Variants in MDC1 observed in about 807,000 individuals in gnomAD.
MDC1 encodes the protein mediator of DNA damage checkpoint protein 1.
Under a neutral mutation model 142.5 loss-of-function variants are expected in MDC1, and 81 were observed. The observed-to-expected ratio is 0.57, with a 90% CI of 0.47 to 0.68. The LOEUF is 0.68. Among genes scored for constraint, MDC1 ranks in the 30% least tolerant of loss-of-function variants. The pLI is 0.00. For synonymous variants in MDC1, 797 were observed against 968.4 expected (o/e 0.82, Z 3.29); for missense variants, 2,119 against 2,547.9 (o/e 0.83, Z 3.62).
chr6:30,715,356 T>C lies in MDC1; in HGVS notation c.-3-178A>G, dbSNP rs1287795494. ...ACTTAAAACATTTTTTTCTTTTTTG[T>C]GATGGAGTCTCGTTCTGCTCCCCAG... On this transcript the variant is annotated intron_variant, in intron 1 of 14. Transcript: ENST00000376406. The surrounding 1 kb of genome is among the most constrained non-coding windows in gnomAD (Gnocchi z 4.1). 6.6e-6 allele frequency among the ~76,000 whole-genome samples: 1 copy of C among 152,156 alleles called. No individual in the cohort carries two copies. Among genetic ancestry groups the C allele is most frequent in the Admixed American group, 6.6e-5 (1 of 15,260 alleles).
In MDC1 at chr6:30,713,638, T is replaced by C. The variant is rs1307587452; in HGVS notation, c.587+10A>G. 1 of 1,613,310 alleles carries C rather than the reference T, an allele frequency of 6.2e-7. No individual in the cohort carries two copies. The highest frequency in any genetic ancestry group is 8.5e-7 in the Non-Finnish European group (1 of 1,179,354). ...TTGAAGACTCAGGTGTCTGACTCTT[T>C]GGCACTCACCTCTCTGGAACTATCA... On this transcript the variant is annotated intron_variant, in intron 4 of 14. Transcript: ENST00000376406. This position sits in a 1 kb window ranked among gnomAD's most constrained non-coding sequence, Gnocchi z 4.9.
Position 30,705,576 on chromosome 6 carries a change from C to T in MDC1, c.3607G>A (p.Val1203Met). The T allele has an allele frequency of 6.2e-7, 1 of 1,606,556 alleles. No individual in the cohort carries two copies. The highest frequency in any genetic ancestry group is 8.5e-7 in the Non-Finnish European group (1 of 1,176,814). Residue 1203 changes from valine (V) to methionine (M), a missense_variant, in exon 10 of 15, where the codon GTG becomes ATG. Coordinates refer to ENST00000376406, the MANE Select transcript of MDC1 (RefSeq NM_014641.3). ...RSSVKTPETV[V>M]PTALELQPST... The stretch of plus-strand genomic sequence containing the variant: ...GGCTGGAGCTCAAGGGCTGTGGGCA[C>T]AACTGTTTCAGGGGTCTTGACAGAG...
rs1773241572 is a variant in MDC1 at position 30,703,960 on chromosome 6, A to C, written c.5223T>G (p.Pro1741=). ...GSLAAPIDHK[P]CSAPLEPKSQ... ...ATTTAGGTTCCAAGGGTGCAGAGCA[A>C]GGCTTATGGTCAATGGGAGCTGCGA... The change falls in exon 10 of 15, where the codon CCT becomes CCG. Residue 1741 remains proline (P), a synonymous_variant. Coordinates refer to ENST00000376406, the MANE Select transcript of MDC1 (RefSeq NM_014641.3). The surrounding 1 kb of genome is among the most constrained non-coding windows in gnomAD (Gnocchi z 4.4). The C allele has an allele frequency of 8.7e-6, 14 of 1,614,120 alleles. No homozygotes were observed. Among genetic ancestry groups the C allele is most frequent in the Non-Finnish European group, 1.2e-5 (14 of 1,180,008 alleles).
Position 30,704,910 on chromosome 6 carries a change from T to G in MDC1, c.4273A>C (p.Thr1425Pro). Residue 1425 changes from threonine (T) to proline (P), a missense_variant, in exon 10 of 15, where the codon ACT becomes CCT. By Grantham distance (38) the Thr-to-Pro change is conservative. Coordinates refer to ENST00000376406, the MANE Select transcript of MDC1 (RefSeq NM_014641.3). The stretch of plus-strand genomic sequence containing the variant: ...GTGGCCTGAGATGTGGGCTCAGGAG[T>G]GACAGGTTGGTCTGTGGAAGTGGAA... ...EPSTSTDQPV[T>P]PEPTSQATRG... 6.2e-7 allele frequency: 1 copy of G among 1,603,488 alleles called. No individual in the cohort carries two copies. Among genetic ancestry groups the G allele is most frequent in the Non-Finnish European group, 8.5e-7 (1 of 1,175,576 alleles).
At chr6:30,710,146 T>C (rs1349218502) in intron 7 of MDC1, among the ~76,000 whole-genome samples, 1 of 152,134 alleles carries the variant, frequency 6.6e-6, no homozygotes, top group Non-Finnish European at 1.5e-5. Flanking sequence ...TGGAGTGCAG[T>C]GGTGTGACCT....
Position 30,706,073 on chromosome 6 carries a change from C to G in MDC1, c.3110G>C (p.Cys1037Ser). 6.3e-7 allele frequency: 1 copy of G among 1,592,480 alleles called. No homozygotes were observed. Among genetic ancestry groups the G allele is most frequent in the Non-Finnish European group, 8.5e-7 (1 of 1,176,666 alleles). Reference sequence around the variant, plus strand: ...GGCTTCAGGTACTGTAGGAGGCAGACAAGCATCTGGAGATTCCTGATCGCC... The same window carrying G: ...GGCTTCAGGTACTGTAGGAGGCAGAGAAGCATCTGGAGATTCCTGATCGCC... ...SRGDQESPDA[C>S]LPPTVPEAPA... is the part of the protein sequence containing the mutation. The change falls in exon 10 of 15, where the codon TGT (cysteine) becomes TCT (serine). Residue 1037 changes from cysteine to serine, a missense_variant. Coordinates refer to ENST00000376406, the MANE Select transcript of MDC1 (RefSeq NM_014641.3).
In MDC1 at chr6:30,703,726, A is replaced by G. The variant is rs1192062213; in HGVS notation, c.5457T>C (p.Asp1819=). The G allele has an allele frequency of 1.3e-6, 2 of 1,542,762 alleles. No individual in the cohort carries two copies. Among genetic ancestry groups the G allele is most frequent in the African/African-American group, 1.4e-5 (1 of 72,402 alleles). Residue 1819 remains aspartate, a synonymous_variant, in exon 10 of 15, where the codon GAT becomes GAC. Transcript: ENST00000376406. The surrounding 1 kb of genome is among the most constrained non-coding windows in gnomAD (Gnocchi z 4.4). ...QSRKRSLATM[D]SPPHQKQPQR... Reference sequence around the variant, plus strand: ...GGGGCTGTTTTTGATGTGGTGGTGAATCCATGGTAGCTAAAGACCTCTTGC... The same window carrying G: ...GGGGCTGTTTTTGATGTGGTGGTGAGTCCATGGTAGCTAAAGACCTCTTGC...
rs1011587367 is a variant in MDC1, at chr6:30,712,631, T to C, written c.1311A>G (p.Gln437=). The change falls in exon 5 of 15, where the codon CAA becomes CAG. Residue 437 remains glutamine (Q), a synonymous_variant. Coordinates refer to ENST00000376406, the MANE Select transcript of MDC1 (RefSeq NM_014641.3). The surrounding 1 kb of genome is among the most constrained non-coding windows in gnomAD (Gnocchi z 4.7). ...GGCTTCGCTGCAGAAGGACCACACG[T>C]TGGGGCATGTCCTCTTCTGCATCTC... ...WNRDAEEDMP[Q]RVVLLQRSQT... 6 of 1,612,756 alleles carry C rather than the reference T, an allele frequency of 3.7e-6. No homozygotes were observed. Among genetic ancestry groups the C allele is most frequent in the African/African-American group, 2.7e-5 (2 of 74,908 alleles).
Position 30,713,450 on chromosome 6 carries a change from C to T in MDC1, c.588-96G>A. 6.6e-6 allele frequency: 9 copies of T among 1,372,614 alleles called. No homozygotes were observed. The highest frequency in any genetic ancestry group is 8.8e-6 in the Non-Finnish European group (9 of 1,023,732). The allele number at this position is 1,372,614 out of a possible 1,614,324, so 85.0% of individuals were successfully genotyped here. A position where few individuals can be genotyped will look rare whatever the true frequency, so the allele number is the denominator to read the frequency against. ...CTCCTTGAGGGGAGACACAAGGTAGCATATTTCTTCTTCTGTTTCCAATTT... is the reference window on the plus strand; with the variant it reads ...CTCCTTGAGGGGAGACACAAGGTAGTATATTTCTTCTTCTGTTTCCAATTT... On this transcript the variant is annotated intron_variant, in intron 4 of 14. Transcript: ENST00000376406. The surrounding 1 kb of genome is among the most constrained non-coding windows in gnomAD (Gnocchi z 4.9).
intron 7 of MDC1, among the ~76,000 whole-genome samples, chr6:30,710,752 A>G (rs1274078752): frequency 6.6e-6 from 1 of 151,948 alleles, no homozygotes; most frequent in Non-Finnish European, 1.5e-5. Context: ...GTTTGATTTC[A>G]TATCTGCCTA....
chr6:30,702,772 G>A lies in MDC1; in HGVS notation c.5971C>T (p.Arg1991Trp), dbSNP rs1262512315. ...FSLQDALSRARERRLLEGYEI... is the reference protein window; with the variant it reads ...FSLQDALSRAWERRLLEGYEI... ...CTCACCTCTAGCAGCCTTCGCTCCC[G>A]AGCCCTGCTCAGTGCGTCTTGAAGG... The change falls in exon 13 of 15, where the codon CGG (arginine) becomes TGG (tryptophan). Residue 1991 changes from arginine to tryptophan, a missense_variant. By Grantham distance (101) the Arg-to-Trp change is moderately radical (BLOSUM62 -3). Transcript: ENST00000376406. 4 of 1,613,088 alleles carry A rather than the reference G, an allele frequency of 2.5e-6. No individual in the cohort carries two copies. The highest frequency in any genetic ancestry group is 3.4e-6 in the Non-Finnish European group (4 of 1,180,024).
Position 30,703,718 on chromosome 6 carries a change from G to T in MDC1, c.5465C>A (p.Pro1822Gln). Residue 1822 changes from proline to glutamine, a missense_variant, in exon 10 of 15, where the codon CCA (proline) becomes CAA (glutamine). Physicochemically the swap from Pro to Gln is moderately conservative, Grantham distance 76. Transcript: ENST00000376406. This position sits in a 1 kb window ranked among gnomAD's most constrained non-coding sequence, Gnocchi z 4.4. ...KRSLATMDSP[P>Q]HQKQPQRGEV... ...CCCTCTTTGGGGCTGTTTTTGATGTGGTGGTGAATCCATGGTAGCTAAAGA... is the reference window on the plus strand; with the variant it reads ...CCCTCTTTGGGGCTGTTTTTGATGTTGTGGTGAATCCATGGTAGCTAAAGA... The T allele has an allele frequency of 6.5e-7, 1 of 1,540,574 alleles. No individual in the cohort carries two copies. Among genetic ancestry groups the T allele is most frequent in the Non-Finnish European group, 8.7e-7 (1 of 1,148,306 alleles).
chr6:30,713,902 C>A lies in MDC1; in HGVS notation c.418G>T (p.Val140Phe). 6.2e-7 allele frequency: 1 copy of A among 1,613,726 alleles called. No homozygotes were observed. Among genetic ancestry groups the A allele is most frequent in the Non-Finnish European group, 8.5e-7 (1 of 1,180,032 alleles). ...YHRLDVSLPF[V>F]SRGPLTVEET... ...TCTACTGTCAGAGGGCCCCGGGAGA[C>A]AAAGGGCAGAGAGACATCCAGGCGA... The change falls in exon 3 of 15, where the codon GTC becomes TTC. Residue 140 changes from valine to phenylalanine, a missense_variant. Coordinates refer to ENST00000376406, the MANE Select transcript of MDC1 (RefSeq NM_014641.3). The surrounding 1 kb of genome is among the most constrained non-coding windows in gnomAD (Gnocchi z 4.9).
In MDC1 at chr6:30,713,305, CAAAAGGCGGCCCAAGGCCG is replaced by C. The variant is rs776938080; in HGVS notation, c.618_636del (p.Gly207ProfsTer4). 1.3e-3 allele frequency: 2,065 copies of C among 1,590,776 alleles called. 13 individuals carry two copies. The highest frequency in any genetic ancestry group is 5.6e-3 in the Admixed American group (327 of 58,574). ...TCTGTGTCACTGTTCAAATTGAAGG[CAAAAGGCGGCCCAAGGCCG>C]CCCAGGACCGGGGAATGCCCCTCTT... On this transcript the variant is annotated frameshift_variant, in exon 5 of 15. Transcript: ENST00000376406. LOFTEE classifies it high-confidence loss of function. This position sits in a 1 kb window ranked among gnomAD's most constrained non-coding sequence, Gnocchi z 4.9.
rs1293136228 is a variant in MDC1, at chr6:30,700,264, T to TA, written c.*200dup. 11 of 458,584 alleles carry TA rather than the reference T, an allele frequency of 2.4e-5. No individual in the cohort carries two copies. The highest frequency in any genetic ancestry group is 3.4e-5 in the Non-Finnish European group (9 of 267,380). 28.4% of individuals were successfully genotyped at this position (458,584 alleles called of 1,614,324 possible). A position where few individuals can be genotyped will look rare whatever the true frequency, so the allele number is the denominator to read the frequency against. ...AATACAAATAAAATAAAATGGCCAT[T>TA]AAAAAAACAAACAAACAAACAAAAA... On this transcript the variant is annotated 3_prime_UTR_variant, in exon 15 of 15. Coordinates refer to ENST00000376406, the MANE Select transcript of MDC1 (RefSeq NM_014641.3).
rs865792795 is a variant in MDC1 at position 30,704,200 on chromosome 6, C to T, written c.4983G>A (p.Glu1661=). ...CGGACTGGTCTGTGGGGGTAAAAGGCTCAAGATCAGAGGCTGCTGGTTCAA... is the reference window on the plus strand; with the variant it reads ...CGGACTGGTCTGTGGGGGTAAAAGGTTCAAGATCAGAGGCTGCTGGTTCAA... ...KPVEPAASDL[E]PFTPTDQSVT... The change falls in exon 10 of 15, where the codon GAG becomes GAA. Residue 1661 remains glutamate, a synonymous_variant. Coordinates refer to ENST00000376406, the MANE Select transcript of MDC1 (RefSeq NM_014641.3). 3 of 1,613,608 alleles carry T rather than the reference C, an allele frequency of 1.9e-6. No homozygotes were observed. The South Asian group carries it at 3.3e-5, about 18-fold the overall frequency.
Position 30,712,633 on chromosome 6 carries a change from G to A in MDC1, c.1309C>T (p.Gln437Ter), listed in dbSNP as rs1029148212. 6.2e-7 allele frequency: 1 copy of A among 1,612,674 alleles called. No individual in the cohort carries two copies. Among genetic ancestry groups the A allele is most frequent in the African/African-American group, 1.3e-5 (1 of 74,904 alleles). Residue 437 changes from glutamine (Q) to a stop codon, truncating the protein, a stop_gained, in exon 5 of 15, where the codon CAA (glutamine) becomes TAA (stop). Transcript: ENST00000376406. LOFTEE classifies it high-confidence loss of function. This position sits in a 1 kb window ranked among gnomAD's most constrained non-coding sequence, Gnocchi z 4.7. ...CTTCGCTGCAGAAGGACCACACGTT[G>A]GGGCATGTCCTCTTCTGCATCTCTG... ...WNRDAEEDMPQRVVLLQRSQT... is the reference protein window; with the variant it reads ...WNRDAEEDMP
rs1375648460 is a variant in MDC1 at position 30,713,048 on chromosome 6, G to A, written c.894C>T (p.Asp298=). The A allele has an allele frequency of 2.5e-6, 4 of 1,612,862 alleles. No homozygotes were observed. In the Admixed American group the frequency reaches 6.7e-5, roughly 27 times the overall value. ...ILERSQPPGE[D]SDTDVDDDSR... is the part of the protein sequence containing the mutation. The stretch of plus-strand genomic sequence containing the variant: ...TGTCATCATCCACATCTGTGTCACT[G>A]TCCTCTCCAGGAGGTTGGCTCCTCT... Residue 298 remains aspartate, a synonymous_variant, in exon 5 of 15, where the codon GAC becomes GAT. Coordinates refer to ENST00000376406, the MANE Select transcript of MDC1 (RefSeq NM_014641.3). This position sits in a 1 kb window ranked among gnomAD's most constrained non-coding sequence, Gnocchi z 4.9.
chr6:30,704,736 C>T lies in MDC1; in HGVS notation c.4447G>A (p.Val1483Ile). The change falls in exon 10 of 15, where the codon GTC (valine) becomes ATC (isoleucine). Residue 1483 changes from valine (V) to isoleucine (I), a missense_variant. Coordinates refer to ENST00000376406, the MANE Select transcript of MDC1 (RefSeq NM_014641.3). The part of the protein sequence containing the change: ...ATRGRTDRSS[V>I]KTPETVVPTA... ...GGGACAACTGTTTCAGGAGTCTTGA[C>T]AGAGGATCTATCTGTTCTTCCCCTA... 6.2e-7 allele frequency: 1 copy of T among 1,611,520 alleles called. No individual in the cohort carries two copies. The highest frequency in any genetic ancestry group is 1.1e-5 in the South Asian group (1 of 90,934).
Sources: allele counts gnomAD v4.1 joint callset (sites outside exome capture counted in the v4.1 genomes callset), GRCh38; gene constraint gnomAD v4.1.1; non-coding constraint Gnocchi (gnomAD v3.1); transcripts MANE v1.5; gene names NCBI Gene and HGNC (gene_info 2026-07-23, HGNC 2026-07-21).